GUCY1A2: variants seen among roughly 807,000 people sequenced by gnomAD.
The protein encoded by GUCY1A2 is guanylate cyclase 1 soluble subunit alpha 2.
Under a neutral mutation model 63.5 loss-of-function variants are expected in GUCY1A2, and 27 were observed. The ratio of observed to expected loss-of-function variants is 0.43; its 90% CI spans 0.31 to 0.59. GUCY1A2 has a LOEUF of 0.59. Ranked by LOEUF, GUCY1A2 falls within the 20% of genes least tolerant of loss-of-function variation. The pLI is 0.11. For synonymous variants in GUCY1A2, 364 were observed against 343.5 expected (o/e 1.06, Z -0.66); for missense variants, 768 against 913.3 (o/e 0.84, Z 2.05).
At chr11:106,967,764 G>A (rs1402377408) in intron 3 of GUCY1A2, among the ~76,000 whole-genome samples, 12 of 140,768 alleles carry the variant, frequency 8.5e-5, no homozygotes, top group African/African-American at 2.9e-4. Context: ...AGGAAGCAAG[G>A]AGGGAGGGAA....
intron 6 of GUCY1A2, among the ~76,000 whole-genome samples, chr11:106,738,536 A>C (rs1038636546): frequency 6.6e-6 from 1 of 152,104 alleles, no homozygotes; most frequent in Non-Finnish European, 1.5e-5. Context: ...TCTTACGTTT[A>C]AGTCTTTAAT....
At chr11:106,883,278 A>T (rs1859851598) in intron 4 of GUCY1A2, among the ~76,000 whole-genome samples, 1 of 152,164 alleles carries the variant, frequency 6.6e-6, no homozygotes, top group Admixed American at 6.6e-5. Context: ...TTTGATGCTC[A>T]GTTCAGCCAA....
intron 3 of GUCY1A2, among the ~76,000 whole-genome samples, chr11:106,958,585 A>T (rs1021306816): frequency 1.4e-5 from 2 of 147,458 alleles, no homozygotes; most frequent in African/African-American, 5.0e-5. Flanking sequence ...AGTGCATTAA[A>T]GGCAGCTTTA....
rs150444646 is a variant in GUCY1A2 at position 107,010,292 on chromosome 11, G to T, written c.303+7461C>A. Among the ~76,000 whole-genome samples the T allele has an allele frequency of 5.9e-3, 891 of 152,194 alleles. 9 individuals are homozygous for T. The highest frequency in any genetic ancestry group is 6.9e-3 in the Non-Finnish European group (469 of 68,014). The stretch of plus-strand genomic sequence containing the variant: ...TCCTGTCCTGAAGTGATGTTTAAGG[G>T]CCATAATTATGTCATTTCCATCTCC... On this transcript the variant is annotated intron_variant, in intron 1 of 7. Transcript: ENST00000526355.
chr11:106,867,215 T>G (rs1302538426), intron 4 of GUCY1A2, among the ~76,000 whole-genome samples: 1 of 152,110 alleles, frequency 6.6e-6, no homozygotes, highest in East Asian at 1.9e-4. Flanking sequence ...CAATTTATTT[T>G]TAAAACACTG....
At chr11:106,744,021 T>C (rs1863741918) in intron 6 of GUCY1A2, among the ~76,000 whole-genome samples, 1 of 152,194 alleles carries the variant, frequency 6.6e-6, no homozygotes, top group Non-Finnish European at 1.5e-5. Context: ...AGCTCAGGAA[T>C]GAACGACCAA....
At chr11:106,826,796 T>C in intron 4 of GUCY1A2, 10 of 1,610,160 alleles carry the variant, frequency 6.2e-6, no homozygotes, top group Non-Finnish European at 8.5e-6. Context: ...CAGACTGGGC[T>C]CAGCTGCCAG....
intron 4 of GUCY1A2, among the ~76,000 whole-genome samples, chr11:106,816,727 G>A (rs965298501): frequency 1.3e-5 from 2 of 151,472 alleles, no homozygotes; most frequent in African/African-American, 4.9e-5. Context: ...GAAAATGACA[G>A]CTAAGTAAAC....
chr11:106,980,604 T>C (rs3794610), intron 2 of GUCY1A2, among the ~76,000 whole-genome samples: 23 of 152,180 alleles, frequency 1.5e-4, no homozygotes, highest in East Asian at 1.9e-4. Context: ...TCAGACTAGA[T>C]ATGAGAGTAA....
At chr11:106,750,036 A>C (rs549725694) in intron 6 of GUCY1A2, among the ~76,000 whole-genome samples, 2 of 152,194 alleles carry the variant, frequency 1.3e-5, no homozygotes, top group South Asian at 4.2e-4. Context: ...TGGGGAGAGA[A>C]GCCTATAATT....
At chr11:106,796,223 C>T (rs1173715105) in intron 5 of GUCY1A2, among the ~76,000 whole-genome samples, 1 of 152,148 alleles carries the variant, frequency 6.6e-6, no homozygotes, top group Non-Finnish European at 1.5e-5. Context: ...GATGGGTCTC[C>T]TGAATACAGC....
At chr11:106,706,981 A>G (rs376175100) in intron 7 of GUCY1A2, among the ~76,000 whole-genome samples, 10 of 152,252 alleles carry the variant, frequency 6.6e-5, no homozygotes, top group African/African-American at 2.2e-4. Context: ...TCCTGAAAAT[A>G]GCATATAGTT....
chr11:106,799,195 T>C (rs953339959), intron 5 of GUCY1A2, among the ~76,000 whole-genome samples: 6 of 152,116 alleles, frequency 3.9e-5, no homozygotes, highest in African/African-American at 1.4e-4. Context: ...ACAAGGGATA[T>C]GAAGGACCTC....
intron 3 of GUCY1A2, among the ~76,000 whole-genome samples, chr11:106,945,044 C>CA (rs1354384661): frequency 2.6e-5 from 4 of 151,222 alleles, no homozygotes; most frequent in African/African-American, 9.7e-5. Flanking sequence ...TTCCCCTGAA[C>CA]CATGGAAAAT....
At chr11:106,881,255 A>G (rs1428391659) in intron 4 of GUCY1A2, among the ~76,000 whole-genome samples, 1 of 152,116 alleles carries the variant, frequency 6.6e-6, no homozygotes, top group Non-Finnish European at 1.5e-5. Flanking sequence ...GCATATAAAC[A>G]TTAGCCACAC....
chr11:106,871,969 A>C (rs928304099), intron 4 of GUCY1A2, among the ~76,000 whole-genome samples: 1 of 152,202 alleles, frequency 6.6e-6, no homozygotes, highest in Non-Finnish European at 1.5e-5. Flanking sequence ...CGTGTGTTCT[A>C]TAGTGCTCTG....
At chr11:106,950,608 T>A (rs1379084248) in intron 3 of GUCY1A2, among the ~76,000 whole-genome samples, 1 of 152,210 alleles carries the variant, frequency 6.6e-6, no homozygotes, top group Non-Finnish European at 1.5e-5. Flanking sequence ...AGGGGATTAC[T>A]GTGACGTACA....
chr11:106,945,807 A>C (rs985506610), intron 3 of GUCY1A2, among the ~76,000 whole-genome samples: 1 of 152,212 alleles, frequency 6.6e-6, no homozygotes, highest in Non-Finnish European at 1.5e-5. Context: ...TCTACTAAAA[A>C]TACAAAATTA....
intron 1 of GUCY1A2, among the ~76,000 whole-genome samples, chr11:106,993,116 A>G (rs955429125): frequency 2.0e-5 from 3 of 152,234 alleles, no homozygotes; most frequent in African/African-American, 7.2e-5. Flanking sequence ...TCTACAATAT[A>G]GAAGATGGTT....
Sources: gnomAD v4.1 joint callset for allele counts (sites outside exome capture counted in the v4.1 genomes callset) on GRCh38, gnomAD v4.1.1 for gene constraint, MANE v1.5 for transcripts, NCBI Gene and HGNC (gene_info 2026-07-23, HGNC 2026-07-21) for gene names.